DENND1B: variants seen among roughly 807,000 people sequenced by gnomAD.
The protein encoded by DENND1B is DENN domain containing 1B.
In DENND1B, 59 loss-of-function variants were observed where a neutral mutation model predicts 90.1. The observed-to-expected ratio is 0.65, with a 90% CI of 0.53 to 0.81. The LOEUF (loss-of-function observed/expected upper bound fraction) is 0.81, where lower values mean the gene tolerates loss of function less well. Among genes scored for constraint, DENND1B ranks in the 40% least tolerant of loss-of-function variants. The pLI is 0.00. For missense variants in DENND1B, 862 were observed against 912.6 expected, an observed-to-expected ratio of 0.94 and a Z score of 0.71; for synonymous variants, 337 against 324.6, an observed-to-expected ratio of 1.04 and a Z score of -0.41.
chr1:197,704,437 G>T (rs1659328154), intron 3 of DENND1B, among the ~76,000 whole-genome samples: 4 of 151,996 alleles, frequency 2.6e-5, no homozygotes, highest in African/African-American at 9.7e-5. Context: ...AATCCATACT[G>T]AAATCTCTCC....
intron 6 of DENND1B, among the ~76,000 whole-genome samples, chr1:197,653,763 GATA>G (rs1355440123): frequency 2.6e-5 from 4 of 151,892 alleles, no homozygotes; most frequent in African/African-American, 9.7e-5. Context: ...ACACTATGGA[GATA>G]ATAATAATTT....
intron 8 of DENND1B, 121 bp from the exon 9 acceptor site, chr1:197,645,864 A>G: frequency 1.7e-6 from 1 of 571,682 alleles, no homozygotes; most frequent in South Asian, 3.9e-5. Flanking sequence ...ACTGACATTC[A>G]GGATTTGTTG....
intron 20 of DENND1B, among the ~76,000 whole-genome samples, chr1:197,536,647 A>C (rs540524261): frequency 9.2e-4 from 140 of 152,338 alleles, no homozygotes; most frequent in African/African-American, 3.3e-3. Context: ...TAAAACTAAA[A>C]AATCAAATTT....
chr1:197,572,088 AG>A (rs1412260184), intron 15 of DENND1B, among the ~76,000 whole-genome samples: 2 of 152,166 alleles, frequency 1.3e-5, no homozygotes, highest in Non-Finnish European at 2.9e-5. Flanking sequence ...CAGCCCACAG[AG>A]GGCAAGCCAA....
intron 10 of DENND1B, among the ~76,000 whole-genome samples, chr1:197,625,549 A>G (rs1350555943): frequency 3.3e-5 from 5 of 152,154 alleles, no homozygotes; most frequent in Non-Finnish European, 5.9e-5. Context: ...GGTACCAGCC[A>G]CTGCAAAATC....
At chr1:197,535,679 C>A (rs1365223210) in intron 20 of DENND1B, among the ~76,000 whole-genome samples, 1 of 152,186 alleles carries the variant, frequency 6.6e-6, no homozygotes, top group Non-Finnish European at 1.5e-5. Flanking sequence ...GTCCTTAAAA[C>A]CACTTCTCTG....
chr1:197,688,493 T>C (rs1223260277), intron 3 of DENND1B, among the ~76,000 whole-genome samples: 2 of 151,882 alleles, frequency 1.3e-5, no homozygotes, highest in Non-Finnish European at 2.9e-5. Context: ...TGGAACAAAA[T>C]AGAGAGCTCA....
chr1:197,724,850 A>G (rs1275531384), intron 2 of DENND1B, among the ~76,000 whole-genome samples: 1 of 152,148 alleles, frequency 6.6e-6, no homozygotes, highest in Non-Finnish European at 1.5e-5. Context: ...ATAGAACAGC[A>G]TATCTTATAA....
At chr1:197,675,744 T>C (rs964824153) in intron 3 of DENND1B, among the ~76,000 whole-genome samples, 1 of 152,124 alleles carries the variant, frequency 6.6e-6, no homozygotes, top group Non-Finnish European at 1.5e-5. Context: ...GTGAACACTA[T>C]TCAGACCTCC....
chr1:197,624,989 C>G (rs1678533084), intron 10 of DENND1B, among the ~76,000 whole-genome samples: 1 of 152,090 alleles, frequency 6.6e-6, no homozygotes, highest in African/African-American at 2.4e-5. Flanking sequence ...AAGAAACAAA[C>G]AAAGCCTCCA....
chr1:197,702,014 C>T (rs1174443553), intron 3 of DENND1B, among the ~76,000 whole-genome samples: 4 of 152,032 alleles, frequency 2.6e-5, no homozygotes, highest in Non-Finnish European at 5.9e-5. Context: ...AAGACCTTTG[C>T]TCTTGTGTTA....
At chr1:197,680,361 C>T (rs1361247114) in intron 3 of DENND1B, among the ~76,000 whole-genome samples, 2 of 152,124 alleles carry the variant, frequency 1.3e-5, no homozygotes, top group Non-Finnish European at 2.9e-5. Flanking sequence ...ATAGAACACT[C>T]CCCATAATAT....
At chr1:197,599,814 G>GT (rs1157014187) in intron 13 of DENND1B, among the ~76,000 whole-genome samples, 1 of 151,676 alleles carries the variant, frequency 6.6e-6, no homozygotes, top group African/African-American at 2.4e-5. Context: ...TTGTTTCATT[G>GT]TATGTTTAAA....
At chr1:197,727,395 C>T (rs1334654308) in intron 2 of DENND1B, among the ~76,000 whole-genome samples, 3 of 151,832 alleles carry the variant, frequency 2.0e-5, no homozygotes, top group South Asian at 2.1e-4. Flanking sequence ...ATGAGCCAGG[C>T]GTGGTGGCAG....
intron 2 of DENND1B, among the ~76,000 whole-genome samples, chr1:197,762,743 TTC>T (rs1352372402): frequency 6.6e-6 from 1 of 152,168 alleles, no homozygotes; most frequent in African/African-American, 2.4e-5. Context: ...CACTGTTTCA[TTC>T]TCTGTGTATC....
chr1:197,594,345 T>G (rs1323978658), intron 14 of DENND1B, among the ~76,000 whole-genome samples: 1 of 152,276 alleles, frequency 6.6e-6, no homozygotes, highest in Non-Finnish European at 1.5e-5. Flanking sequence ...GAGTTACAAC[T>G]GAGTTATCCT....
chr1:197,713,993 CT>C (rs1372499037), intron 3 of DENND1B, among the ~76,000 whole-genome samples: 183 of 10,652 alleles, frequency 0.017, no homozygotes, highest in Middle Eastern at 0.05. Context: ...AATTATATAT[CT>C]TTTTTTTTTT....
intron 15 of DENND1B, among the ~76,000 whole-genome samples, chr1:197,563,667 A>C (rs537399663): frequency 6.6e-6 from 1 of 151,914 alleles, no homozygotes; most frequent in Admixed American, 6.6e-5. Flanking sequence ...TGGATCAAGG[A>C]GTAATTTTGA....
At chr1:197,689,489 T>A (rs1315017498) in intron 3 of DENND1B, 1 of 152,308 alleles carries the variant, frequency 6.6e-6, no homozygotes, top group East Asian at 1.9e-4. Flanking sequence ...ATCCTTACTG[T>A]TGCTGCTGGT....
Sources: gnomAD v4.1 joint callset for allele counts (sites outside exome capture counted in the v4.1 genomes callset) on GRCh38, gnomAD v4.1.1 for gene constraint, MANE v1.5 for transcripts, NCBI Gene and HGNC (gene_info 2026-07-23, HGNC 2026-07-21) for gene names.